RNASET2: variants seen among roughly 807,000 people sequenced by gnomAD.
RNASET2 encodes the protein ribonuclease 6.
Under a neutral mutation model 33.9 loss-of-function variants are expected in RNASET2, and 28 were observed. The ratio of observed to expected loss-of-function variants is 0.83; its 90% CI spans 0.61 to 1.13. RNASET2 has a LOEUF of 1.13. RNASET2 is among the 50% of genes most tolerant of loss of function. The pLI, the probability that RNASET2 is intolerant of heterozygous loss-of-function variation, is 0.00. For missense variants in RNASET2, 330 were observed against 319.9 expected, an observed-to-expected ratio of 1.03 and a Z score of -0.24; for synonymous variants, 123 against 121.0, an observed-to-expected ratio of 1.02 and a Z score of -0.11.
At chr6:166,934,637 A>G (rs1038370513) in intron 6 of RNASET2, 1 of 192,234 alleles carries the variant, frequency 5.2e-6, no homozygotes, top group Non-Finnish European at 1.1e-5. Context: ...ATATGTTTAG[A>G]TACACAAATC....
chr6:166,955,175 C>CCACACACA (rs144459587), intron 1 of RNASET2, among the ~76,000 whole-genome samples: 8 of 131,028 alleles, frequency 6.1e-5, no homozygotes, highest in Non-Finnish European at 7.8e-5. Context: ...TGGGCGGCTG[C>CCACACACA]CACACACACA....
In RNASET2 at chr6:166,956,364, C is replaced by G; in HGVS notation, c.-182G>C. 1 of 596,586 alleles carries G rather than the reference C, an allele frequency of 1.7e-6. No individual in the cohort carries two copies. The highest frequency in any genetic ancestry group is 2.9e-5 in the East Asian group (1 of 34,018). 37.0% of individuals were successfully genotyped at this position (596,586 alleles called of 1,614,324 possible). On this transcript the variant is annotated 5_prime_UTR_variant, in exon 1 of 9. Transcript: ENST00000508775. ...CCTGGGACGGCCTAAACCAGTATCT[C>G]GCGGGCCCCGCGCCGGGCTCCGGGA... is the stretch of plus-strand genomic sequence containing the variant.
In RNASET2 at chr6:166,933,701, TTAAATATCTA is replaced by T; in HGVS notation, c.492+380_492+389del. 1 of 232,920 alleles carries T rather than the reference TTAAATATCTA, an allele frequency of 4.3e-6. No individual in the cohort carries two copies. Among genetic ancestry groups the T allele is most frequent in the Non-Finnish European group, 8.4e-6 (1 of 118,552 alleles). The allele number at this position is 232,920 out of a possible 1,614,324, so 14.4% of individuals were successfully genotyped here. ...ACCAGCTAATAACATCTTGTCATGC[TTAAATATCTA>T]TAGTTTCTTTTATCATAAAACAAAT... On this transcript the variant is annotated intron_variant, in intron 7 of 8. Coordinates refer to ENST00000508775, the MANE Select transcript of RNASET2 (RefSeq NM_003730.6). The surrounding 1 kb of genome is among the most constrained non-coding windows in gnomAD (Gnocchi z 4.1).
Position 166,925,533 on chromosome 6 carries a change from C to A in RNASET2, c.*4055G>T, listed in dbSNP as rs1583209496. 6.6e-6 allele frequency among the ~76,000 whole-genome samples: 1 copy of A among 152,148 alleles called. No homozygotes were observed. The highest frequency in any genetic ancestry group is 1.9e-4 in the East Asian group (1 of 5,194). The stretch of plus-strand genomic sequence containing the variant: ...CTCCCCGGTCCAGCCCTTGCCTCCC[C>A]CGTCCAGCCCTCACCTCCATCATGC... On this transcript the variant is annotated 3_prime_UTR_variant, in exon 9 of 9. Coordinates refer to ENST00000508775, the MANE Select transcript of RNASET2 (RefSeq NM_003730.6).
At chr6:166,955,947 C>A in intron 1 of RNASET2, 150 bp downstream of exon 1, 1 of 1,059,564 alleles carries the variant, frequency 9.4e-7, no homozygotes, top group Non-Finnish European at 1.4e-6. Context: ...TCCCAGGGGT[C>A]ACCCCGGAGC....
intron 1 of RNASET2, among the ~76,000 whole-genome samples, chr6:166,953,921 G>A (rs1178563454): frequency 6.6e-6 from 1 of 150,730 alleles, no homozygotes; most frequent in Non-Finnish European, 1.5e-5. Flanking sequence ...GAGAATTGGA[G>A]CTGGTAAAGC....
In RNASET2 at chr6:166,956,308, T is replaced by C; in HGVS notation, c.-126A>G. 1 of 944,104 alleles carries C rather than the reference T, an allele frequency of 1.1e-6. No homozygotes were observed. Among genetic ancestry groups the C allele is most frequent in the East Asian group, 2.7e-5 (1 of 37,660 alleles). The allele number at this position is 944,104 out of a possible 1,614,324, so 58.5% of individuals were successfully genotyped here. A position where few individuals can be genotyped will look rare whatever the true frequency, so the allele number is the denominator to read the frequency against. The stretch of plus-strand genomic sequence containing the variant: ...CCCCGCGCCGCCGCGCTCCCTCCGC[T>C]GCAGCAGCGGCCACCGGGTGCGCCC... On this transcript the variant is annotated 5_prime_UTR_variant, in exon 1 of 9. Coordinates refer to ENST00000508775, the MANE Select transcript of RNASET2 (RefSeq NM_003730.6).
intron 2 of RNASET2, among the ~76,000 whole-genome samples, chr6:166,951,196 G>A (rs1583234659): frequency 6.6e-6 from 1 of 152,212 alleles, no homozygotes; most frequent in Non-Finnish European, 1.5e-5. Context: ...GCCAGCTTAC[G>A]CCATTATTTC....
rs527633927 is a variant in RNASET2, at chr6:166,931,597, G to A, written c.493-479C>T. On this transcript the variant is annotated intron_variant, in intron 7 of 8. Coordinates refer to ENST00000508775, the MANE Select transcript of RNASET2 (RefSeq NM_003730.6). ...AAGGCCCTGGGACCCCTCAGCTACC[G>A]GTCCCGAAACTGCAAACCTAGACCC... 59 of 186,494 alleles carry A rather than the reference G, an allele frequency of 3.2e-4. 2 individuals are homozygous for A. The South Asian group carries it at 5.3e-3, about 17-fold the overall frequency. 11.6% of individuals were successfully genotyped at this position (186,494 alleles called of 1,614,324 possible).
In RNASET2 at chr6:166,922,565, A is replaced by G. The variant is rs959961278; in HGVS notation, c.*7023T>C. Among the ~76,000 whole-genome samples the G allele has an allele frequency of 6.6e-6, 1 of 152,224 alleles. No homozygotes were observed. Among genetic ancestry groups the G allele is most frequent in the Non-Finnish European group, 1.5e-5 (1 of 68,036 alleles). On this transcript the variant is annotated 3_prime_UTR_variant, in exon 9 of 9. Transcript: ENST00000508775. ...GGCTGAGTCTATTCTGCTCTAAAAC[A>G]TTCAGAGAAAAACCAATCGGGTGAC...
At chr6:166,952,801 G>A (rs1379906509) in intron 1 of RNASET2, 3 of 464,188 alleles carry the variant, frequency 6.5e-6, no homozygotes, top group Non-Finnish European at 1.2e-5. Context: ...GGGAGAGGAG[G>A]GGAAGCGGAG....
chr6:166,955,174 G>C (rs1779077217), intron 1 of RNASET2, among the ~76,000 whole-genome samples: 1 of 108,126 alleles, frequency 9.2e-6, no homozygotes, highest in Non-Finnish European at 1.8e-5. Context: ...TTGGGCGGCT[G>C]CCACACACAC....
intron 4 of RNASET2, chr6:166,943,770 G>A (rs1166388689): frequency 2.1e-6 from 1 of 470,122 alleles, no homozygotes; most frequent in Admixed American, 2.4e-5. Context: ...AGAGTTGAGG[G>A]GGAAGGGAGT....
chr6:166,931,338 GCT>G lies in RNASET2; in HGVS notation c.493-222_493-221del, dbSNP rs1778435428. ...CCCAGACCACAAGCCGCTCGCTGCGGCTCTGTTTTCCTCTCTGCTCCTGTTTC... is the reference window on the plus strand; with the variant it reads ...CCCAGACCACAAGCCGCTCGCTGCGGCTGTTTTCCTCTCTGCTCCTGTTTC... On this transcript the variant is annotated intron_variant, in intron 7 of 8. Transcript: ENST00000508775. 1.5e-5 allele frequency: 9 copies of G among 587,174 alleles called. No homozygotes were observed. The East Asian group carries it at 1.7e-4, about 11-fold the overall frequency. The allele number at this position is 587,174 out of a possible 1,614,324, so 36.4% of individuals were successfully genotyped here.
intron 1 of RNASET2, among the ~76,000 whole-genome samples, chr6:166,954,086 CAG>C (rs1562505709): frequency 6.6e-6 from 1 of 152,156 alleles, no homozygotes; most frequent in Non-Finnish European, 1.5e-5. Flanking sequence ...TAAAACCAGG[CAG>C]AGTGATGTGA....
intron 7 of RNASET2, chr6:166,932,132 G>A (rs1465857642): frequency 1.3e-5 from 2 of 152,762 alleles, no homozygotes; most frequent in Non-Finnish European, 2.9e-5. Context: ...GGAGGCCTGA[G>A]GCAGGACCTC....
chr6:166,948,948 CTAATGCCTG>C (rs1396018675), intron 2 of RNASET2, among the ~76,000 whole-genome samples: 2 of 152,280 alleles, frequency 1.3e-5, no homozygotes, highest in African/African-American at 4.8e-5. Flanking sequence ...GGCGCAGTGA[CTAATGCCTG>C]TAATCCCAGC....
At chr6:166,947,403 G>C (rs1778874556) in intron 3 of RNASET2, among the ~76,000 whole-genome samples, 1 of 152,170 alleles carries the variant, frequency 6.6e-6, no homozygotes, top group Non-Finnish European at 1.5e-5. Context: ...CGACCCCTCA[G>C]AGCCCCAAAG....
Position 166,956,431 on chromosome 6 carries a change from C to A in RNASET2, c.-249G>T. 1 of 559,304 alleles carries A rather than the reference C, an allele frequency of 1.8e-6. No homozygotes were observed. The highest frequency in any genetic ancestry group is 3.2e-6 in the Non-Finnish European group (1 of 313,098). 34.6% of individuals were successfully genotyped at this position (559,304 alleles called of 1,614,324 possible). A position where few individuals can be genotyped will look rare whatever the true frequency, so the allele number is the denominator to read the frequency against. On this transcript the variant is annotated 5_prime_UTR_variant, in exon 1 of 9. Transcript: ENST00000508775. ...TGGCGACCCGGGCCCCTCGGAGCTC[C>A]CCTTCAGGATCGTGCACCAAGCGCG...
Sources: gnomAD v4.1 joint callset for allele counts (sites outside exome capture counted in the v4.1 genomes callset) on GRCh38, gnomAD v4.1.1 for gene constraint, Gnocchi (gnomAD v3.1) non-coding constraint, MANE v1.5 for transcripts, NCBI Gene and HGNC (gene_info 2026-07-23, HGNC 2026-07-21) for gene names.